The following KDM6A variants were observed in gnomAD, a reference collection of about 807,000 sequenced individuals.
KDM6A encodes the protein lysine-specific demethylase 6A.
KDM6A carries 11 observed loss-of-function variants against 117.6 expected under a neutral mutation model. The observed-to-expected ratio is 0.09, with a 90% CI of 0.06 to 0.15. KDM6A has a LOEUF of 0.15. Ranked by LOEUF, KDM6A falls within the 10% of genes least tolerant of loss-of-function variation. The pLI, the probability that KDM6A is intolerant of heterozygous loss-of-function variation, is 1.00. For missense variants in KDM6A, 799 were observed against 1,077.3 expected (o/e 0.74, Z 3.62); for synonymous variants, 384 against 396.1 (o/e 0.97, Z 0.36).
intron 4 of KDM6A, among the ~76,000 whole-genome samples, chrX:44,988,871 G>T (rs2040405313): frequency 9.0e-6 from 1 of 110,961 alleles, no homozygotes; most frequent in African/African-American, 3.3e-5. Context: ...CCCACTTGAG[G>T]AGGCAGTCTG....
At chrX:44,960,846 G>T (rs1719348187) in intron 2 of KDM6A, among the ~76,000 whole-genome samples, 1 of 111,329 alleles carries the variant, frequency 9.0e-6, no homozygotes, top group Non-Finnish European at 1.9e-5. Flanking sequence ...AGTGTAAATT[G>T]TAGGTATTTT....
chrX:44,900,145 C>T (rs1281467488), intron 2 of KDM6A, among the ~76,000 whole-genome samples: 1 of 112,275 alleles, frequency 8.9e-6, no homozygotes, highest in Non-Finnish European at 1.9e-5. Context: ...TCTTTAGTTT[C>T]CTATGCCAAA....
intron 27 of KDM6A, among the ~76,000 whole-genome samples, chrX:45,094,568 G>A (rs2046023145): frequency 1.8e-5 from 2 of 111,693 alleles, no homozygotes; most frequent in African/African-American, 6.5e-5. Flanking sequence ...TGAGCACCAG[G>A]CAAAATAGTT....
At chrX:44,929,007 TACA>T (rs2036466806) in intron 2 of KDM6A, among the ~76,000 whole-genome samples, 3 of 111,164 alleles carry the variant, frequency 2.7e-5, no homozygotes, top group Non-Finnish European at 5.7e-5. Context: ...CTTGGCTCAC[TACA>T]ACGTCTGCCT....
chrX:44,952,130 T>G lies in KDM6A; in HGVS notation c.226-9154T>G, dbSNP rs769173198. On this transcript the variant is annotated intron_variant, in intron 2 of 29. Coordinates refer to ENST00000611820, the MANE Select transcript of KDM6A (RefSeq NM_001291415.2). ...TATTTGAAAAGAATGGTTCTTAAAGTGCCAGTGATGGTTTCTTGAATGTTG... is the reference window on the plus strand; with the variant it reads ...TATTTGAAAAGAATGGTTCTTAAAGGGCCAGTGATGGTTTCTTGAATGTTG... Among the ~76,000 whole-genome samples, 5 of 111,931 alleles carry G rather than the reference T, an allele frequency of 4.5e-5. No homozygotes were observed. The East Asian group carries it at 1.4e-3, about 31-fold the overall frequency.
chrX:44,986,625 G>T (rs1017805328), intron 4 of KDM6A, among the ~76,000 whole-genome samples: 2 of 111,260 alleles, frequency 1.8e-5, no homozygotes, highest in African/African-American at 6.5e-5. Flanking sequence ...TGTTCTTGTT[G>T]GTTTCAAAGA....
chrX:45,022,787 ACTCCAACTCAAATTG>A (rs967412860), intron 6 of KDM6A, among the ~76,000 whole-genome samples: 2 of 111,390 alleles, frequency 1.8e-5, no homozygotes, highest in Non-Finnish European at 3.8e-5. Flanking sequence ...AACCTCAGGG[ACTCCAACTCAAATTG>A]GTTAAAATAA....
intron 18 of KDM6A, among the ~76,000 whole-genome samples, chrX:45,070,869 T>C (rs969598913): frequency 9.0e-6 from 1 of 110,747 alleles, no homozygotes; most frequent in Non-Finnish European, 1.9e-5. Flanking sequence ...TCAGGGGCAA[T>C]GGGCAGTGGA....
chrX:45,078,541 CTT>C, intron 20 of KDM6A, 36 bp downstream of exon 20: 1 of 1,098,272 alleles, frequency 9.1e-7, no homozygotes. Flanking sequence ...ACGTTTGTCT[CTT>C]TGTTTTGCTA....
At chrX:44,901,384 A>T (rs2034337708) in intron 2 of KDM6A, among the ~76,000 whole-genome samples, 1 of 109,764 alleles carries the variant, frequency 9.1e-6, no homozygotes, top group African/African-American at 3.3e-5. Context: ...ATATACGGGG[A>T]CTTGTTTTAG....
rs2148288433 is a variant in KDM6A at position 45,107,451 on chromosome X, G to C, written c.4076G>C (p.Arg1359Thr). The C allele has an allele frequency of 4.1e-6, 5 of 1,207,615 alleles. No homozygotes were observed. Among genetic ancestry groups the C allele is most frequent in the Non-Finnish European group, 5.6e-6 (5 of 891,822 alleles). Residue 1359 changes from arginine to threonine, a missense_variant, in exon 28 of 30, where the codon AGG (arginine) becomes ACG (threonine). Physicochemically the swap from Arg to Thr is moderately conservative, Grantham distance 71 (BLOSUM62 -1). This residue lies in a region of KDM6A where 291 missense variants were observed against 437.9 expected (regional missense o/e 0.66). Transcript: ENST00000611820. The part of the protein sequence containing the change: ...LRTLKQCQTL[R>T]EALIAAGKEI... ...ACTCTGAAGCAATGTCAGACATTGA[G>C]GGAAGCTCTCATTGCTGCAGGAAAA...
chrX:44,924,282 C>T (rs2036165594), intron 2 of KDM6A, among the ~76,000 whole-genome samples: 1 of 111,975 alleles, frequency 8.9e-6, no homozygotes, highest in African/African-American at 3.3e-5. Context: ...CTGGTACACA[C>T]TCCTATTGTT....
At chrX:45,048,174 A>C (rs2043661078) in intron 8 of KDM6A, among the ~76,000 whole-genome samples, 2 of 108,199 alleles carry the variant, frequency 1.8e-5, no homozygotes, top group East Asian at 5.9e-4. Flanking sequence ...AAAAAAAAAA[A>C]AAAAAACTAC....
chrX:44,950,163 G>C (rs1191883301), intron 2 of KDM6A, among the ~76,000 whole-genome samples: 1 of 110,252 alleles, frequency 9.1e-6, no homozygotes. Flanking sequence ...CTACAGGCGC[G>C]TGCCACCATG....
chrX:45,016,377 C>T (rs2041959155), intron 5 of KDM6A, among the ~76,000 whole-genome samples: 1 of 110,400 alleles, frequency 9.1e-6, no homozygotes, highest in Non-Finnish European at 1.9e-5. Context: ...TTGATTTATC[C>T]CTTCATATAT....
chrX:44,906,688 G>A (rs1203497311), intron 2 of KDM6A, among the ~76,000 whole-genome samples: 1 of 110,309 alleles, frequency 9.1e-6, no homozygotes, highest in Non-Finnish European at 1.9e-5. Context: ...TGTATATAGA[G>A]AGAGAGAGCG....
chrX:45,079,492 CGTATGTATATATGTATGTAT>C (rs2045292256), intron 21 of KDM6A, 141 bp downstream of exon 21: 1 of 467,316 alleles, frequency 2.1e-6, no homozygotes. Flanking sequence ...CCAGTTGTCT[CGTATGTATATATGTATGTAT>C]GTATGTATGT....
intron 2 of KDM6A, among the ~76,000 whole-genome samples, chrX:44,896,996 T>C (rs922341374): frequency 1.8e-5 from 2 of 110,909 alleles, no homozygotes; most frequent in African/African-American, 6.5e-5. Flanking sequence ...TTTGTATCTT[T>C]AGCGTATTTC....
intron 24 of KDM6A, 35 bp downstream of exon 24, chrX:45,083,643 G>A (rs2148155458): frequency 7.9e-6 from 9 of 1,143,730 alleles, no homozygotes; most frequent in Non-Finnish European, 1.1e-5. Context: ...TTGTTAAAAT[G>A]GAAAACAAAA....
Sources: gnomAD v4.1 joint callset for allele counts (sites outside exome capture counted in the v4.1 genomes callset) on GRCh38, gnomAD v4.1.1 for gene constraint, gnomAD v4.1.1 regional missense constraint, MANE v1.5 for transcripts, NCBI Gene and HGNC (gene_info 2026-07-23, HGNC 2026-07-21) for gene names.